Variants in FOXJ3 observed in about 807,000 individuals in gnomAD.
FOXJ3 encodes forkhead box J3.
In FOXJ3, 22 loss-of-function variants were observed where a neutral mutation model predicts 76.1. The observed-to-expected ratio is 0.29, with a 90% confidence interval of 0.21 to 0.41. The LOEUF is 0.41. Ranked by LOEUF, FOXJ3 falls within the 10% of genes least tolerant of loss-of-function variation. The probability of loss-of-function intolerance (pLI) is 1.00; values close to 1 mark genes in which losing one functional copy is unlikely to be tolerated. For missense variants in FOXJ3, 613 were observed against 762.1 expected, an observed-to-expected ratio of 0.80 and a Z score of 2.30; for synonymous variants, 269 against 261.2, an observed-to-expected ratio of 1.03 and a Z score of -0.29.
At chr1:42,191,745 G>T in intron 8 of FOXJ3, 26 bp from the exon 9 acceptor site, 1 of 1,597,300 alleles carries the variant, frequency 6.3e-7, no homozygotes, top group South Asian at 1.1e-5. Flanking sequence ...GATCATTTAT[G>T]GTCAGATTTC....
At chr1:42,229,287 T>A (rs1159150723) in intron 4 of FOXJ3, among the ~76,000 whole-genome samples, 1 of 152,236 alleles carries the variant, frequency 6.6e-6, no homozygotes, top group Non-Finnish European at 1.5e-5. Flanking sequence ...TGTTTACAGG[T>A]CTGTATCCCC....
At chr1:42,250,735 G>C (rs1649959129) in intron 4 of FOXJ3, among the ~76,000 whole-genome samples, 2 of 147,140 alleles carry the variant, frequency 1.4e-5, no homozygotes, top group South Asian at 4.2e-4. Flanking sequence ...GGCAGAGGTT[G>C]CAGTGAGCAG....
At chr1:42,195,634 T>C (rs894036909) in intron 7 of FOXJ3, among the ~76,000 whole-genome samples, 2 of 152,202 alleles carry the variant, frequency 1.3e-5, no homozygotes, top group Admixed American at 6.5e-5. Context: ...AAGATAATCA[T>C]CTGTATTTCT....
At chr1:42,292,024 A>G (rs1653469526) in intron 2 of FOXJ3, among the ~76,000 whole-genome samples, 1 of 151,818 alleles carries the variant, frequency 6.6e-6, no homozygotes, top group African/African-American at 2.4e-5. Flanking sequence ...GAGCCAGGGG[A>G]TGGGACCCTG....
At chr1:42,258,538 G>GAT (rs1650784508) in intron 4 of FOXJ3, among the ~76,000 whole-genome samples, 1 of 152,170 alleles carries the variant, frequency 6.6e-6, no homozygotes, top group Admixed American at 6.5e-5. Flanking sequence ...TGAACATGTG[G>GAT]ATAACAACTA....
At position 42,195,098 on chromosome 1, in the gene FOXJ3, T is replaced by A. The variant is rs772779347; in HGVS notation, c.760-34A>T. The A allele has an allele frequency of 6.7e-6, 10 of 1,498,384 alleles. No homozygotes were observed. In the Admixed American group the frequency reaches 2.1e-4, roughly 31 times the overall value. The allele number at this position is 1,498,384 out of a possible 1,614,324, so 92.8% of individuals were successfully genotyped here. A position where few individuals can be genotyped will look rare whatever the true frequency, so the allele number is the denominator to read the frequency against. ...AAAAGAAAACACAACTAATTCAGCC[T>A]CTCTACTAATTACAATTGGCTTGTT... is the stretch of plus-strand genomic sequence containing the variant. On this transcript the variant is annotated intron_variant, in intron 7 of 12. Coordinates refer to ENST00000361346, the MANE Select transcript of FOXJ3 (RefSeq NM_014947.5).
rs112469718 is a variant in FOXJ3, at chr1:42,222,372, T to C, written c.528+5511A>G. On this transcript the variant is annotated intron_variant, in intron 5 of 12. Coordinates refer to ENST00000361346, the MANE Select transcript of FOXJ3 (RefSeq NM_014947.5). ...GTTCTCAAAAACCCTTATCTTTCTG[T>C]GACCACATAATTTATCATCCACAAG... 6.6e-5 allele frequency among the ~76,000 whole-genome samples: 10 copies of C among 152,244 alleles called. 1 individual carries two copies. Among genetic ancestry groups the C allele is most frequent in the African/African-American group, 2.4e-4 (10 of 41,562 alleles).
At chr1:42,245,584 A>G (rs1649486617) in intron 4 of FOXJ3, among the ~76,000 whole-genome samples, 1 of 152,226 alleles carries the variant, frequency 6.6e-6, no homozygotes, top group African/African-American at 2.4e-5. Context: ...TGATCATTTC[A>G]AGAGATACGG....
intron 3 of FOXJ3, among the ~76,000 whole-genome samples, chr1:42,274,662 T>C (rs547114524): frequency 1.3e-5 from 2 of 152,186 alleles, no homozygotes; most frequent in African/African-American, 4.8e-5. Context: ...TGGCACTTAG[T>C]ATAGTGCCTG....
chr1:42,293,947 T>C (rs974116892), intron 2 of FOXJ3, among the ~76,000 whole-genome samples: 1 of 152,208 alleles, frequency 6.6e-6, no homozygotes, highest in Non-Finnish European at 1.5e-5. Context: ...AAGTAAGCAC[T>C]AGTAGGGGGT....
At chr1:42,291,224 T>C (rs1217248367) in intron 2 of FOXJ3, among the ~76,000 whole-genome samples, 1 of 152,128 alleles carries the variant, frequency 6.6e-6, no homozygotes, top group Non-Finnish European at 1.5e-5. Context: ...ACAATGACCC[T>C]TACATCACAT....
intron 6 of FOXJ3, among the ~76,000 whole-genome samples, chr1:42,200,005 CAAAAAAAAAAAAA>C (rs11355641): frequency 1.3e-5 from 1 of 76,086 alleles, no homozygotes; most frequent in Admixed American, 1.7e-4. Flanking sequence ...GACTCTGTCT[CAAAAAAAAAAAAA>C]AAAAAAAAAA....
At chr1:42,281,409 A>T (rs1226085978) in intron 2 of FOXJ3, among the ~76,000 whole-genome samples, 1 of 152,104 alleles carries the variant, frequency 6.6e-6, no homozygotes, top group Admixed American at 6.5e-5. Context: ...CTAAGTGAAG[A>T]TTGACTTAGC....
intron 2 of FOXJ3, among the ~76,000 whole-genome samples, chr1:42,281,709 G>A (rs1202273459): frequency 6.6e-6 from 1 of 152,176 alleles, no homozygotes; most frequent in Non-Finnish European, 1.5e-5. Context: ...TCCATCAAGC[G>A]TGGAGAGCAC....
intron 2 of FOXJ3, among the ~76,000 whole-genome samples, chr1:42,304,726 C>A (rs916341851): frequency 6.6e-6 from 1 of 152,138 alleles, no homozygotes; most frequent in African/African-American, 2.4e-5. Flanking sequence ...CTATTCCTTG[C>A]CATATACAAA....
intron 5 of FOXJ3, among the ~76,000 whole-genome samples, chr1:42,210,707 T>C (rs975707151): frequency 3.9e-5 from 6 of 152,058 alleles, no homozygotes; most frequent in African/African-American, 1.4e-4. Flanking sequence ...TTCCTTGAGA[T>C]AACCAAGGAA....
chr1:42,224,919 T>TTTGCA (rs1647429805), intron 5 of FOXJ3, among the ~76,000 whole-genome samples: 1 of 151,732 alleles, frequency 6.6e-6, no homozygotes, highest in East Asian at 1.9e-4. Context: ...AGACCCCATC[T>TTTGCA]CTACAAAAAA....
chr1:42,267,116 A>G (rs987637116), intron 3 of FOXJ3, among the ~76,000 whole-genome samples: 5 of 152,118 alleles, frequency 3.3e-5, no homozygotes, highest in Non-Finnish European at 7.4e-5. Context: ...AGTCTGGCTG[A>G]GGGAAGAAAC....
At chr1:42,194,780 T>C (rs1048073344) in intron 8 of FOXJ3, 110 bp downstream of exon 8, 8 of 695,330 alleles carry the variant, frequency 1.2e-5, no homozygotes, top group African/African-American at 5.5e-5. Context: ...CTGATTCTTA[T>C]TGTGATGATA....
Sources: gnomAD v4.1 joint callset for allele counts (sites outside exome capture counted in the v4.1 genomes callset) on GRCh38, gnomAD v4.1.1 for gene constraint, MANE v1.5 for transcripts, NCBI Gene and HGNC (gene_info 2026-07-23, HGNC 2026-07-21) for gene names.